Variants in CCSER1 observed in about 807,000 individuals in gnomAD.
CCSER1 encodes the protein serine-rich coiled-coil domain-containing protein 1.
CCSER1 carries 41 observed loss-of-function variants against 82.0 expected under a neutral mutation model. The observed-to-expected ratio is 0.50, with a 90% CI of 0.39 to 0.65. CCSER1 has a LOEUF of 0.65. Ranked by LOEUF, CCSER1 falls within the 30% of genes least tolerant of loss-of-function variation. The pLI is 0.00. For missense variants in CCSER1, 1,119 were observed against 1,064.2 expected (o/e 1.05, Z -0.72); for synonymous variants, 414 against 383.9 (o/e 1.08, Z -0.92).
intron 5 of CCSER1, among the ~76,000 whole-genome samples, chr4:90,508,774 C>CT: frequency 6.6e-6 from 1 of 151,920 alleles, no homozygotes; most frequent in East Asian, 1.9e-4. Flanking sequence ...TAATTAATAT[C>CT]TTTTTTATTT....
At chr4:91,299,045 A>G (rs1188208803) in intron 10 of CCSER1, among the ~76,000 whole-genome samples, 6 of 151,954 alleles carry the variant, frequency 3.9e-5, no homozygotes, top group Non-Finnish European at 7.4e-5. Flanking sequence ...GGGGTTCTGC[A>G]TTCTATGTTT....
intron 6 of CCSER1, chr4:90,641,971 C>G (rs756110859): frequency 5.6e-5 from 19 of 340,708 alleles, no homozygotes; most frequent in Middle Eastern, 7.7e-4. Flanking sequence ...TAATGTTTCA[C>G]TTGTAAAACA....
chr4:91,008,654 T>G (rs1738728736), intron 9 of CCSER1, among the ~76,000 whole-genome samples: 1 of 152,192 alleles, frequency 6.6e-6, no homozygotes, highest in Non-Finnish European at 1.5e-5. Flanking sequence ...TTTAATCCAT[T>G]CTGCTTTTCT....
At chr4:90,476,441 T>C (rs1160133849) in intron 5 of CCSER1, among the ~76,000 whole-genome samples, 1 of 152,106 alleles carries the variant, frequency 6.6e-6, no homozygotes, top group Non-Finnish European at 1.5e-5. Context: ...GGCATTCACC[T>C]TTCTGACTGC....
intron 3 of CCSER1, among the ~76,000 whole-genome samples, chr4:90,352,772 TGGG>T (rs987037638): frequency 3.3e-5 from 5 of 151,912 alleles, no homozygotes; most frequent in South Asian, 2.1e-4. Flanking sequence ...TCCTGTAAAA[TGGG>T]GGAATAATAT....
intron 10 of CCSER1, among the ~76,000 whole-genome samples, chr4:91,179,193 C>T (rs193295996): frequency 4.2e-4 from 64 of 152,306 alleles, no homozygotes; most frequent in African/African-American, 1.2e-3. Flanking sequence ...ATTGGCTTCC[C>T]TTTGTGGGTA....
rs200880490 is a variant in CCSER1 at position 90,691,628 on chromosome 4, GTA to G, written c.1933-32278_1933-32277del. Reference sequence around the variant, plus strand: ...ATATATCACATGTATATATGTGTATGTATATATATCACATGTATATATACACA... The same window carrying G: ...ATATATCACATGTATATATGTGTATGTATATATCACATGTATATATACACA... On this transcript the variant is annotated intron_variant, in intron 6 of 10. Coordinates refer to ENST00000509176, the MANE Select transcript of CCSER1 (RefSeq NM_001145065.2). Among the ~76,000 whole-genome samples the G allele has an allele frequency of 7.9e-3, 1,198 of 151,320 alleles. 11 individuals carry two copies. The highest frequency in any genetic ancestry group is 0.026 in the African/African-American group (1,077 of 41,318).
intron 10 of CCSER1, among the ~76,000 whole-genome samples, chr4:91,202,872 TC>T (rs1423916727): frequency 8.4e-6 from 1 of 119,522 alleles, no homozygotes; most frequent in Non-Finnish European, 2.0e-5. Context: ...TGATGAAACA[TC>T]CAACATTGTT....
At chr4:90,933,025 AAAG>A (rs1251686732) in intron 9 of CCSER1, among the ~76,000 whole-genome samples, 1,140 of 98,372 alleles carry the variant, frequency 0.012, 283 homozygotes, top group Admixed American at 0.038. Flanking sequence ...AGAAAGAAAG[AAAG>A]AAAGAAAGAA....
intron 6 of CCSER1, among the ~76,000 whole-genome samples, chr4:90,718,209 A>G (rs906976886): frequency 1.1e-4 from 17 of 152,226 alleles, no homozygotes; most frequent in Admixed American, 1.0e-3. Flanking sequence ...AAAAGGGGGA[A>G]ATTTAATTTT....
At chr4:90,417,442 A>G (rs1006054139) in intron 4 of CCSER1, among the ~76,000 whole-genome samples, 2 of 152,072 alleles carry the variant, frequency 1.3e-5, no homozygotes, top group Non-Finnish European at 2.9e-5. Context: ...TAAGGTTGAT[A>G]TTTACAATTT....
At chr4:90,325,723 AT>A in intron 3 of CCSER1, 2 of 386,962 alleles carry the variant, frequency 5.2e-6, no homozygotes, top group Non-Finnish European at 1.1e-5. Flanking sequence ...TACATTATTC[AT>A]TTTAGACAAT....
At chr4:91,127,553 T>C (rs1357424736) in intron 10 of CCSER1, among the ~76,000 whole-genome samples, 1 of 152,132 alleles carries the variant, frequency 6.6e-6, no homozygotes, top group Non-Finnish European at 1.5e-5. Flanking sequence ...ATTGGAGATT[T>C]TGAGTGCCCT....
At chr4:90,606,432 G>A (rs1258628042) in intron 5 of CCSER1, among the ~76,000 whole-genome samples, 1 of 152,166 alleles carries the variant, frequency 6.6e-6, no homozygotes, top group African/African-American at 2.4e-5. Context: ...AGACATTAAT[G>A]TTAGCTATGA....
At chr4:90,508,932 T>A (rs1771095016) in intron 5 of CCSER1, among the ~76,000 whole-genome samples, 1 of 152,086 alleles carries the variant, frequency 6.6e-6, no homozygotes, top group Non-Finnish European at 1.5e-5. Flanking sequence ...ACAACCTTAC[T>A]AAAATAGGAT....
intron 10 of CCSER1, among the ~76,000 whole-genome samples, chr4:91,235,135 A>G (rs1738906568): frequency 6.6e-6 from 1 of 152,144 alleles, no homozygotes; most frequent in African/African-American, 2.4e-5. Flanking sequence ...AAAGCACTAT[A>G]TAAATTCTTA....
intron 10 of CCSER1, among the ~76,000 whole-genome samples, chr4:91,096,357 C>A (rs949532177): frequency 6.6e-6 from 1 of 152,192 alleles, no homozygotes; most frequent in Non-Finnish European, 1.5e-5. Flanking sequence ...CATGAGTCTT[C>A]AGGCTCTGAA....
chr4:90,234,515 C>A (rs1010831833), intron 1 of CCSER1, among the ~76,000 whole-genome samples: 1 of 152,080 alleles, frequency 6.6e-6, no homozygotes, highest in African/African-American at 2.4e-5. Context: ...CTGCGCCTGG[C>A]CCAACCTTTC....
At chr4:90,220,307 G>A (rs1438509677) in intron 1 of CCSER1, among the ~76,000 whole-genome samples, 2 of 151,866 alleles carry the variant, frequency 1.3e-5, no homozygotes, top group East Asian at 1.9e-4. Context: ...GGGCAAATAC[G>A]GTAATTCAAA....
Sources: gnomAD v4.1 joint callset for allele counts (sites outside exome capture counted in the v4.1 genomes callset) on GRCh38, gnomAD v4.1.1 for gene constraint, MANE v1.5 for transcripts, NCBI Gene and HGNC (gene_info 2026-07-23, HGNC 2026-07-21) for gene names.